KCNIP1: variants seen among roughly 807,000 people sequenced by gnomAD.
KCNIP1 encodes the protein A-type potassium channel modulatory protein KCNIP1.
A neutral mutation model predicts 33.0 loss-of-function variants in KCNIP1; 18 were observed. That is an observed-to-expected ratio of 0.55 (90% CI 0.38 to 0.81). KCNIP1 has a LOEUF of 0.81. Ranked by LOEUF, KCNIP1 falls within the 30% of genes least tolerant of loss-of-function variation. The pLI is 0.00. For missense variants in KCNIP1, 238 were observed against 271.6 expected, an observed-to-expected ratio of 0.88 and a Z score of 0.87; for synonymous variants, 93 against 98.3, an observed-to-expected ratio of 0.95 and a Z score of 0.32.
intron 1 of KCNIP1, among the ~76,000 whole-genome samples, chr5:170,522,075 G>C (rs1178935551): frequency 6.6e-6 from 1 of 152,200 alleles, no homozygotes; most frequent in Non-Finnish European, 1.5e-5. Context: ...CAGCAATTCA[G>C]GGCTGGGCAC....
chr5:170,667,735 A>G (rs1042230136), intron 1 of KCNIP1, among the ~76,000 whole-genome samples: 14 of 152,256 alleles, frequency 9.2e-5, no homozygotes, highest in Non-Finnish European at 1.6e-4. Context: ...AATATTGACT[A>G]TCCCATAAGG....
intron 1 of KCNIP1, among the ~76,000 whole-genome samples, chr5:170,547,648 G>A (rs1019811576): frequency 6.6e-6 from 1 of 152,114 alleles, no homozygotes; most frequent in Non-Finnish European, 1.5e-5. Context: ...TCCTGTGTTA[G>A]TTTGCTAAGG....
At chr5:170,464,971 C>T (rs1756579610) in intron 1 of KCNIP1, among the ~76,000 whole-genome samples, 1 of 152,180 alleles carries the variant, frequency 6.6e-6, no homozygotes, top group Non-Finnish European at 1.5e-5. Context: ...CCAGAGCTCC[C>T]ATATGATCAC....
chr5:170,407,290 T>C (rs1031263804), intron 1 of KCNIP1, among the ~76,000 whole-genome samples: 1 of 152,224 alleles, frequency 6.6e-6, no homozygotes, highest in African/African-American at 2.4e-5. Context: ...AAGACAAGGA[T>C]TGCAGGTGCT....
intron 1 of KCNIP1, among the ~76,000 whole-genome samples, chr5:170,515,418 C>G (rs1581261085): frequency 1.3e-5 from 2 of 152,200 alleles, no homozygotes; most frequent in Non-Finnish European, 2.9e-5. Context: ...GGAGGCAAGT[C>G]TGGTTCCCAT....
At chr5:170,656,763 C>A (rs1761281985) in intron 1 of KCNIP1, among the ~76,000 whole-genome samples, 1 of 152,160 alleles carries the variant, frequency 6.6e-6, no homozygotes, top group Admixed American at 6.5e-5. Flanking sequence ...AGTAGGGTTC[C>A]AGCCGGACTG....
At chr5:170,721,550 T>C (rs543392424) in intron 3 of KCNIP1, among the ~76,000 whole-genome samples, 1 of 152,260 alleles carries the variant, frequency 6.6e-6, no homozygotes, top group South Asian at 2.1e-4. Flanking sequence ...ATGCAGTCAC[T>C]GTGCCATTCA....
At chr5:170,583,387 G>T (rs1757869244) in intron 1 of KCNIP1, among the ~76,000 whole-genome samples, 1 of 152,292 alleles carries the variant, frequency 6.6e-6, no homozygotes, top group Non-Finnish European at 1.5e-5. Context: ...TATATTAGAT[G>T]CAGGAGTAAG....
intron 1 of KCNIP1, among the ~76,000 whole-genome samples, chr5:170,492,755 C>CTATCTATT (rs1554096206): frequency 5.3e-5 from 8 of 150,346 alleles, no homozygotes; most frequent in African/African-American, 2.0e-4. Context: ...AAATATCTAT[C>CTATCTATT]TATTTATTTA....
At chr5:170,387,299 C>T (rs796226662) in intron 1 of KCNIP1, among the ~76,000 whole-genome samples, 3 of 152,086 alleles carry the variant, frequency 2.0e-5, no homozygotes, top group Non-Finnish European at 4.4e-5. Context: ...AGCCAGTGTC[C>T]GGGTGACAGG....
chr5:170,563,324 T>A (rs150112815), intron 1 of KCNIP1, among the ~76,000 whole-genome samples: 1 of 152,328 alleles, frequency 6.6e-6, no homozygotes, highest in African/African-American at 2.4e-5. Flanking sequence ...CTCAGTTTAT[T>A]GGAATTACAT....
intron 1 of KCNIP1, among the ~76,000 whole-genome samples, chr5:170,472,694 C>T (rs1215013595): frequency 6.7e-6 from 1 of 150,104 alleles, no homozygotes; most frequent in Non-Finnish European, 1.5e-5. Context: ...GTTTTCCATT[C>T]CTGAGTTACT....
chr5:170,578,502 C>T (rs1473669329), intron 1 of KCNIP1, among the ~76,000 whole-genome samples: 1 of 152,032 alleles, frequency 6.6e-6, no homozygotes, highest in African/African-American at 2.4e-5. Flanking sequence ...AGACTGTGCA[C>T]ATGAGGAGAT....
At chr5:170,575,069 T>C (rs963530289) in intron 1 of KCNIP1, among the ~76,000 whole-genome samples, 31 of 151,460 alleles carry the variant, frequency 2.0e-4, no homozygotes, top group Admixed American at 2.0e-3. Context: ...CAGGGTGAAA[T>C]AGAATGGAAA....
intron 1 of KCNIP1, among the ~76,000 whole-genome samples, chr5:170,429,193 C>A (rs1266120663): frequency 6.6e-6 from 1 of 152,150 alleles, no homozygotes; most frequent in East Asian, 1.9e-4. Flanking sequence ...CCTTCAGCAA[C>A]CCTGTTCTCC....
intron 1 of KCNIP1, among the ~76,000 whole-genome samples, chr5:170,367,989 T>C (rs1047829848): frequency 6.6e-6 from 1 of 152,174 alleles, no homozygotes; most frequent in Non-Finnish European, 1.5e-5. Flanking sequence ...ATGGAAAAAA[T>C]TGTGTATTAA....
intron 1 of KCNIP1, among the ~76,000 whole-genome samples, chr5:170,458,341 CA>C (rs1294832098): frequency 6.6e-6 from 1 of 152,176 alleles, no homozygotes; most frequent in Non-Finnish European, 1.5e-5. Flanking sequence ...ACAAGAGGCT[CA>C]AAGAACACCT....
chr5:170,545,921 C>T (rs1756391334), intron 1 of KCNIP1, among the ~76,000 whole-genome samples: 1 of 152,088 alleles, frequency 6.6e-6, no homozygotes, highest in African/African-American at 2.4e-5. Flanking sequence ...ATAATTTTGA[C>T]CATAAGCTGG....
chr5:170,376,008 G>A (rs1468446788), intron 1 of KCNIP1: 1 of 152,234 alleles, frequency 6.6e-6, no homozygotes, highest in African/African-American at 2.4e-5. Context: ...TCATCTGTGA[G>A]GCAGGTTCAG....
Sources: gnomAD v4.1 joint callset for allele counts (sites outside exome capture counted in the v4.1 genomes callset) on GRCh38, gnomAD v4.1.1 for gene constraint, MANE v1.5 for transcripts, NCBI Gene and HGNC (gene_info 2026-07-23, HGNC 2026-07-21) for gene names.